The following PPP1R9A variants were observed in gnomAD, a reference collection of about 807,000 sequenced individuals.
PPP1R9A encodes the protein protein phosphatase 1 regulatory subunit 9A.
Under a neutral mutation model 141.9 loss-of-function variants are expected in PPP1R9A, and 59 were observed. The observed-to-expected ratio is 0.42, with a 90% CI of 0.34 to 0.52. The LOEUF is 0.52. Ranked by LOEUF, PPP1R9A falls within the 20% of genes least tolerant of loss-of-function variation. The pLI, the probability that PPP1R9A is intolerant of heterozygous loss-of-function variation, is 0.10. For synonymous variants in PPP1R9A, 500 were observed against 569.7 expected, an observed-to-expected ratio of 0.88 and a Z score of 1.74; for missense variants, 1,444 against 1,611.9, an observed-to-expected ratio of 0.90 and a Z score of 1.78.
In PPP1R9A at chr7:95,292,219, T is replaced by C. The variant is rs1806464697; in HGVS notation, c.*1916T>C. On this transcript the variant is annotated 3_prime_UTR_variant, in exon 20 of 20. Transcript: ENST00000433360. ...TTAATGTCTTGAGATGTCTGGTGCT[T>C]TGTTATTTTTTCACATCATGAGAAA... 6.6e-6 allele frequency: 1 copy of C among 152,414 alleles called. No homozygotes were observed. The highest frequency in any genetic ancestry group is 1.5e-5 in the Non-Finnish European group (1 of 68,024). The allele number at this position is 152,414 out of a possible 1,614,324, so 9.4% of individuals were successfully genotyped here.
chr7:94,999,250 C>T (rs915591827), intron 2 of PPP1R9A, among the ~76,000 whole-genome samples: 1 of 152,238 alleles, frequency 6.6e-6, no homozygotes, highest in Admixed American at 6.5e-5. Context: ...TGTTACTTGG[C>T]AGAAATCTTC....
intron 7 of PPP1R9A, among the ~76,000 whole-genome samples, chr7:95,213,968 G>T (rs1353277831): frequency 3.9e-5 from 6 of 152,116 alleles, no homozygotes; most frequent in Admixed American, 3.9e-4. Flanking sequence ...TACATAATAA[G>T]CACGCTCCCT....
At chr7:94,995,146 A>G (rs1477735002) in intron 2 of PPP1R9A, among the ~76,000 whole-genome samples, 1 of 151,418 alleles carries the variant, frequency 6.6e-6, no homozygotes, top group African/African-American at 2.4e-5. Flanking sequence ...TCATTACTTT[A>G]AAGAAGTTGC....
At chr7:95,084,031 T>C (rs1216768456) in intron 2 of PPP1R9A, among the ~76,000 whole-genome samples, 1 of 152,050 alleles carries the variant, frequency 6.6e-6, no homozygotes, top group East Asian at 1.9e-4. Flanking sequence ...ATCAGGAATA[T>C]TGTATGCTAG....
In PPP1R9A at chr7:95,231,133, A is replaced by G. The variant is rs568290061; in HGVS notation, c.2112+5017A>G. Among the ~76,000 whole-genome samples, 241 of 152,308 alleles carry G rather than the reference A, an allele frequency of 1.6e-3. 1 individual carries two copies. The highest frequency in any genetic ancestry group is 2.6e-3 in the Non-Finnish European group (177 of 68,016). On this transcript the variant is annotated intron_variant, in intron 8 of 19. Transcript: ENST00000433360. Reference sequence around the variant, plus strand: ...TTCTTAGACAAAACAAACTAAAGCAACAGCAGTTAAAAAAAGACAAAGAGA... The same window carrying G: ...TTCTTAGACAAAACAAACTAAAGCAGCAGCAGTTAAAAAAAGACAAAGAGA...
chr7:95,007,918 A>G (rs1371110922), intron 2 of PPP1R9A, among the ~76,000 whole-genome samples: 1 of 152,102 alleles, frequency 6.6e-6, no homozygotes. Context: ...CTAAAAATAC[A>G]AAAATTAGCT....
At chr7:95,039,807 A>G (rs1808963624) in intron 2 of PPP1R9A, among the ~76,000 whole-genome samples, 1 of 152,166 alleles carries the variant, frequency 6.6e-6, no homozygotes, top group African/African-American at 2.4e-5. Flanking sequence ...CATAATTGGA[A>G]TAACAGGAGG....
chr7:94,929,329 A>T (rs1275294936), intron 2 of PPP1R9A, among the ~76,000 whole-genome samples: 1 of 152,204 alleles, frequency 6.6e-6, no homozygotes, highest in Admixed American at 6.5e-5. Context: ...TGTGCACAGG[A>T]TGCTGTGAGT....
At chr7:95,212,916 T>C (rs563381012) in intron 7 of PPP1R9A, among the ~76,000 whole-genome samples, 4 of 152,194 alleles carry the variant, frequency 2.6e-5, no homozygotes, top group Non-Finnish European at 5.9e-5. Context: ...GTTAGACTAA[T>C]TCTGCTGCTT....
In PPP1R9A at chr7:95,290,398, G is replaced by A; in HGVS notation, c.*95G>A. On this transcript the variant is annotated 3_prime_UTR_variant, in exon 20 of 20. Transcript: ENST00000433360. ...CCAGAGGATGAAAAAGAAACTAAAT[G>A]ATAAGGGTAATGCGGCTCTAGGCCG... The A allele has an allele frequency of 7.3e-7, 1 of 1,363,020 alleles. No individual in the cohort carries two copies. Among genetic ancestry groups the A allele is most frequent in the Non-Finnish European group, 9.9e-7 (1 of 1,012,042 alleles). 84.4% of individuals were successfully genotyped at this position (1,363,020 alleles called of 1,614,324 possible).
chr7:95,149,693 A>G lies in PPP1R9A; in HGVS notation c.1650-12174A>G, dbSNP rs566705298. ...TAAAATCTGAAGTCTGTATGAGGAA[A>G]ACTACAAAACTGTGATCAAAGTTTT... On this transcript the variant is annotated intron_variant, in intron 4 of 19. Coordinates refer to ENST00000433360, the MANE Select transcript of PPP1R9A (RefSeq NM_001166160.2). Among the ~76,000 whole-genome samples, 15 of 151,026 alleles carry G rather than the reference A, an allele frequency of 9.9e-5. No homozygotes were observed. The East Asian group carries it at 2.3e-3, about 23-fold the overall frequency.
chr7:95,157,753 G>A (rs57438063), intron 4 of PPP1R9A, among the ~76,000 whole-genome samples: 2,256 of 152,268 alleles, frequency 0.015, 54 homozygotes, highest in African/African-American at 0.051. Context: ...CCCTACTTTT[G>A]ACCTTATTTC....
chr7:95,025,223 T>C (rs899448942), intron 2 of PPP1R9A, among the ~76,000 whole-genome samples: 2 of 152,044 alleles, frequency 1.3e-5, no homozygotes, highest in African/African-American at 2.4e-5. Flanking sequence ...GTCACCACCA[T>C]GTCTGGCTAA....
intron 2 of PPP1R9A, among the ~76,000 whole-genome samples, chr7:94,921,742 A>T (rs541079177): frequency 1.3e-5 from 2 of 152,306 alleles, no homozygotes; most frequent in African/African-American, 4.8e-5. Context: ...GTGGAATAAT[A>T]AAATACAGTA....
chr7:95,165,828 G>A (rs1354774971), intron 5 of PPP1R9A, among the ~76,000 whole-genome samples: 1 of 151,990 alleles, frequency 6.6e-6, no homozygotes, highest in East Asian at 1.9e-4. Flanking sequence ...AGCTGGTGAG[G>A]GCTTAAAGAA....
At chr7:94,961,884 T>G (rs1797683542) in intron 2 of PPP1R9A, among the ~76,000 whole-genome samples, 1 of 151,910 alleles carries the variant, frequency 6.6e-6, no homozygotes, top group Non-Finnish European at 1.5e-5. Flanking sequence ...TTTGCCTTAT[T>G]TTTTTAATCA....
Position 94,910,455 on chromosome 7 carries a change from TA to T in PPP1R9A, c.344del (p.Lys115SerfsTer88), listed in dbSNP as rs773851914. 6.2e-7 allele frequency: 1 copy of T among 1,614,196 alleles called. No homozygotes were observed. Among genetic ancestry groups the T allele is most frequent in the Non-Finnish European group, 8.5e-7 (1 of 1,180,030 alleles). On this transcript the variant is annotated frameshift_variant, in exon 2 of 20. Coordinates refer to ENST00000433360, the MANE Select transcript of PPP1R9A (RefSeq NM_001166160.2). LOFTEE classifies it high-confidence loss of function. The surrounding 1 kb of genome is among the most constrained non-coding windows in gnomAD (Gnocchi z 4.5). ...FLEKTDGSVV[K>X]LESSVSERIS... ...TGGAAAAAACAGATGGCTCAGTTGT[TA>T]AGTTGGAGTCTTCTGTTTCTGAACG...
At chr7:94,975,482 T>C (rs1799350568) in intron 2 of PPP1R9A, among the ~76,000 whole-genome samples, 1 of 151,846 alleles carries the variant, frequency 6.6e-6, no homozygotes, top group Non-Finnish European at 1.5e-5. Flanking sequence ...TCAGAAATGC[T>C]GTGGGCCAAA....
intron 5 of PPP1R9A, among the ~76,000 whole-genome samples, chr7:95,181,968 G>A (rs1833923757): frequency 6.6e-6 from 1 of 151,614 alleles, no homozygotes; most frequent in African/African-American, 2.4e-5. Flanking sequence ...CTGATATGTG[G>A]GGGCTAAGCT....
Sources: allele counts gnomAD v4.1 joint callset (sites outside exome capture counted in the v4.1 genomes callset), GRCh38; gene constraint gnomAD v4.1.1; non-coding constraint Gnocchi (gnomAD v3.1); transcripts MANE v1.5; gene names NCBI Gene and HGNC (gene_info 2026-07-23, HGNC 2026-07-21).